Variants in PRDM16 observed in about 807,000 individuals in gnomAD.
PRDM16 encodes the protein histone-lysine N-methyltransferase PRDM16.
PRDM16 carries 23 observed loss-of-function variants against 110.6 expected under a neutral mutation model. The ratio of observed to expected loss-of-function variants is 0.21; its 90% CI spans 0.15 to 0.29. The LOEUF (loss-of-function observed/expected upper bound fraction) is 0.29, where lower values mean the gene tolerates loss of function less well. PRDM16 is among the 10% of genes least tolerant of loss of function. The pLI is 1.00. For synonymous variants in PRDM16, 799 were observed against 781.8 expected (o/e 1.02, Z -0.37); for missense variants, 1,615 against 1,794.3 (o/e 0.90, Z 1.81).
intron 8 of PRDM16, among the ~76,000 whole-genome samples, chr1:3,406,263 A>T (rs1406471571): frequency 6.6e-6 from 1 of 152,120 alleles, no homozygotes; most frequent in African/African-American, 2.4e-5. Flanking sequence ...TTACAGCCTC[A>T]CAGGGGGCCA....
intron 3 of PRDM16, among the ~76,000 whole-genome samples, chr1:3,361,290 G>A (rs1642709106): frequency 6.6e-6 from 1 of 152,154 alleles, no homozygotes; most frequent in East Asian, 1.9e-4. Context: ...CCCCCAACAG[G>A]GCTGGAGACG....
chr1:3,407,367 C>T (rs759489549), intron 8 of PRDM16, among the ~76,000 whole-genome samples: 12 of 152,210 alleles, frequency 7.9e-5, no homozygotes, highest in African/African-American at 1.4e-4. Context: ...CTCTGCCTGC[C>T]GGCCGTTCCA....
At chr1:3,227,653 G>A (rs1444801938) in intron 2 of PRDM16, among the ~76,000 whole-genome samples, 2 of 152,224 alleles carry the variant, frequency 1.3e-5, no homozygotes, top group Non-Finnish European at 2.9e-5. Context: ...CCCGGCTCCG[G>A]GACCTGGTTT....
At chr1:3,413,518 C>T (rs1353903863) in intron 9 of PRDM16, among the ~76,000 whole-genome samples, 1 of 151,678 alleles carries the variant, frequency 6.6e-6, no homozygotes, top group Non-Finnish European at 1.5e-5. Context: ...AAGAGCAGGG[C>T]TAGGCTTGGG....
At position 3,181,433 on chromosome 1, in the gene PRDM16, CACAA is replaced by C. The variant is rs1644179066; in HGVS notation, c.38-4691_38-4688del. On this transcript the variant is annotated intron_variant, in intron 1 of 16. Coordinates refer to ENST00000270722, the MANE Select transcript of PRDM16 (RefSeq NM_022114.4). ...ACGCAGTCTTACACACGCGGTCTTA[CACAA>C]GCAGTCTTACACGGTCTTACACACG... Among the ~76,000 whole-genome samples, 4 of 62,514 alleles carry C rather than the reference CACAA, an allele frequency of 6.4e-5. 2 individuals are homozygous for C. Among genetic ancestry groups the C allele is most frequent in the Admixed American group, 4.0e-4 (2 of 5,010 alleles). 41.0% of individuals were successfully genotyped at this position (62,514 alleles called of 152,430 possible).
At chr1:3,268,778 T>A (rs868009659) in intron 3 of PRDM16, among the ~76,000 whole-genome samples, 83 of 152,210 alleles carry the variant, frequency 5.5e-4, no homozygotes, top group Middle Eastern at 3.4e-3. Context: ...CTAATATTCC[T>A]GGTATATTCG....
chr1:3,305,153 A>C (rs1641285815), intron 3 of PRDM16, among the ~76,000 whole-genome samples: 1 of 152,196 alleles, frequency 6.6e-6, no homozygotes, highest in Non-Finnish European at 1.5e-5. Flanking sequence ...CCTGCCCTCC[A>C]AGCAGCAGTG....
intron 2 of PRDM16, among the ~76,000 whole-genome samples, chr1:3,204,903 G>A (rs991848921): frequency 6.6e-6 from 1 of 152,218 alleles, no homozygotes; most frequent in Non-Finnish European, 1.5e-5. Context: ...CGTTGGGGGG[G>A]GCCCTCGCCG....
intron 3 of PRDM16, among the ~76,000 whole-genome samples, chr1:3,286,199 G>T (rs970778549): frequency 6.6e-6 from 1 of 152,184 alleles, no homozygotes; most frequent in African/African-American, 2.4e-5. Flanking sequence ...CCTCACAGTG[G>T]TCCCAGTAAT....
intron 1 of PRDM16, among the ~76,000 whole-genome samples, chr1:3,181,332 AAG>A (rs1172494116): frequency 1.5e-5 from 2 of 132,684 alleles, no homozygotes; most frequent in African/African-American, 2.8e-5. Context: ...AATCTTACAC[AAG>A]CAGTCTTACA....
intron 9 of PRDM16, among the ~76,000 whole-genome samples, chr1:3,413,336 G>A (rs1643726768): frequency 6.6e-6 from 1 of 152,120 alleles, no homozygotes; most frequent in Non-Finnish European, 1.5e-5. Context: ...ATCAGAGAAG[G>A]AGCCAGTGGT....
chr1:3,118,851 C>T (rs1643027667), intron 1 of PRDM16, among the ~76,000 whole-genome samples: 1 of 152,232 alleles, frequency 6.6e-6, no homozygotes, highest in South Asian at 2.1e-4. Flanking sequence ...GGTGTTTGGA[C>T]ACAGGGCCCG....
chr1:3,260,684 T>C (rs1277955004), intron 3 of PRDM16, among the ~76,000 whole-genome samples: 1 of 149,316 alleles, frequency 6.7e-6, no homozygotes, highest in East Asian at 2.0e-4. Flanking sequence ...GCTTTGATTA[T>C]GATGGTGTTG....
intron 1 of PRDM16, among the ~76,000 whole-genome samples, chr1:3,089,260 C>T (rs1041379303): frequency 3.3e-5 from 5 of 152,258 alleles, no homozygotes; most frequent in Non-Finnish European, 7.3e-5. Context: ...AAACTCCTTG[C>T]ACCCAGCTCC....
chr1:3,272,324 C>T (rs988352832), intron 3 of PRDM16, among the ~76,000 whole-genome samples: 13 of 152,190 alleles, frequency 8.5e-5, no homozygotes, highest in East Asian at 5.8e-4. Context: ...GGGGGCTCTC[C>T]GTGGGGGCTC....
intron 2 of PRDM16, among the ~76,000 whole-genome samples, chr1:3,211,673 G>A (rs72848013): frequency 0.011 from 1,601 of 152,296 alleles, 29 homozygotes; most frequent in African/African-American, 0.036. Flanking sequence ...GTCAGTGCTC[G>A]CTCACCCTGC....
At chr1:3,180,367 C>A (rs1321144844) in intron 1 of PRDM16, among the ~76,000 whole-genome samples, 1 of 152,002 alleles carries the variant, frequency 6.6e-6, no homozygotes, top group African/African-American at 2.4e-5. Context: ...GTGTTCTTTC[C>A]ACTGAAATGT....
chr1:3,164,728 G>T (rs1453579462), intron 1 of PRDM16, among the ~76,000 whole-genome samples: 1 of 152,154 alleles, frequency 6.6e-6, no homozygotes, highest in Non-Finnish European at 1.5e-5. Flanking sequence ...ACGGTCCCGC[G>T]TGATCATGGG....
At chr1:3,374,743 G>A (rs1480844849) in intron 3 of PRDM16, among the ~76,000 whole-genome samples, 1 of 152,224 alleles carries the variant, frequency 6.6e-6, no homozygotes, top group Non-Finnish European at 1.5e-5. Flanking sequence ...CACTGCAAGG[G>A]CTGGTTCGTC....
Sources: gnomAD v4.1 joint callset for allele counts (sites outside exome capture counted in the v4.1 genomes callset) on GRCh38, gnomAD v4.1.1 for gene constraint, MANE v1.5 for transcripts, NCBI Gene and HGNC (gene_info 2026-07-23, HGNC 2026-07-21) for gene names.